ZNF385B: variants seen among roughly 807,000 people sequenced by gnomAD.
ZNF385B encodes zinc finger protein 533.
ZNF385B carries 23 observed loss-of-function variants against 39.2 expected under a neutral mutation model. The ratio of observed to expected loss-of-function variants is 0.59; its 90% CI spans 0.42 to 0.83. The LOEUF (loss-of-function observed/expected upper bound fraction) is 0.83. ZNF385B is among the 40% of genes least tolerant of loss of function. ZNF385B has a pLI of 0.00. For missense variants in ZNF385B, 552 were observed against 598.9 expected, an observed-to-expected ratio of 0.92 and a Z score of 0.82; for synonymous variants, 205 against 222.6, an observed-to-expected ratio of 0.92 and a Z score of 0.70.
intron 3 of ZNF385B, among the ~76,000 whole-genome samples, chr2:179,755,994 T>G (rs1278553569): frequency 6.6e-6 from 1 of 152,234 alleles, no homozygotes; most frequent in Non-Finnish European, 1.5e-5. Context: ...GCTGGTTATT[T>G]TGCTCATTAG....
chr2:179,771,327 T>G (rs1179139502), intron 1 of ZNF385B, among the ~76,000 whole-genome samples: 1 of 152,164 alleles, frequency 6.6e-6, no homozygotes, highest in East Asian at 1.9e-4. Context: ...AACCAGATAT[T>G]GATTCTAATG....
chr2:179,564,354 T>C (rs1377086892), intron 3 of ZNF385B, among the ~76,000 whole-genome samples: 3 of 152,070 alleles, frequency 2.0e-5, no homozygotes, highest in Non-Finnish European at 4.4e-5. Flanking sequence ...AATGGTTATC[T>C]AAAAAATGAG....
chr2:179,628,356 T>A (rs1690866960), intron 3 of ZNF385B, among the ~76,000 whole-genome samples: 1 of 152,188 alleles, frequency 6.6e-6, no homozygotes, highest in African/African-American at 2.4e-5. Flanking sequence ...GTCCTCCCCC[T>A]TTTTTATCTT....
chr2:179,567,266 C>T (rs1228469613), intron 3 of ZNF385B, among the ~76,000 whole-genome samples: 1 of 152,074 alleles, frequency 6.6e-6, no homozygotes, highest in African/African-American at 2.4e-5. Flanking sequence ...ATCTGAATTG[C>T]AATTTTGGAT....
chr2:179,821,095 A>G (rs184012870), intron 1 of ZNF385B, among the ~76,000 whole-genome samples: 2 of 152,302 alleles, frequency 1.3e-5, no homozygotes, highest in East Asian at 3.9e-4. Context: ...TACATATTAA[A>G]GAAAAATTGC....
At chr2:179,687,129 G>T (rs1452728780) in intron 3 of ZNF385B, among the ~76,000 whole-genome samples, 1 of 151,398 alleles carries the variant, frequency 6.6e-6, no homozygotes, top group African/African-American at 2.4e-5. Flanking sequence ...GTGACTAAGA[G>T]CTGTCAAGAA....
chr2:179,457,898 A>C (rs190358337), intron 6 of ZNF385B, among the ~76,000 whole-genome samples: 1 of 152,326 alleles, frequency 6.6e-6, no homozygotes, highest in East Asian at 1.9e-4. Context: ...CCAAGGCTTA[A>C]ATAGAGTAAG....
chr2:179,708,507 T>G (rs566720776), intron 3 of ZNF385B, among the ~76,000 whole-genome samples: 2 of 152,144 alleles, frequency 1.3e-5, no homozygotes, highest in Non-Finnish European at 2.9e-5. Flanking sequence ...ATAATAGCAA[T>G]AGATGGTTAG....
At chr2:179,858,480 T>C (rs2105458120) in intron 1 of ZNF385B, among the ~76,000 whole-genome samples, 1 of 151,168 alleles carries the variant, frequency 6.6e-6, no homozygotes, top group South Asian at 2.1e-4. Flanking sequence ...AACAACTGAA[T>C]AAAAAGTAAC....
At chr2:179,505,346 T>C (rs1048568939) in intron 5 of ZNF385B, among the ~76,000 whole-genome samples, 4 of 152,016 alleles carry the variant, frequency 2.6e-5, no homozygotes, top group Non-Finnish European at 5.9e-5. Context: ...AGTTTAGCAG[T>C]GTATATAGGA....
chr2:179,829,541 T>C (rs1241463298), intron 1 of ZNF385B, among the ~76,000 whole-genome samples: 1 of 151,758 alleles, frequency 6.6e-6, no homozygotes, highest in East Asian at 1.9e-4. Context: ...TGAGACAGGG[T>C]CTTGCTCTGT....
chr2:179,836,900 T>C (rs1207215350), intron 1 of ZNF385B, among the ~76,000 whole-genome samples: 3 of 152,248 alleles, frequency 2.0e-5, no homozygotes, highest in East Asian at 1.9e-4. Flanking sequence ...AATAAATAAA[T>C]GAGGGAATCC....
intron 3 of ZNF385B, among the ~76,000 whole-genome samples, chr2:179,761,268 T>C (rs984274345): frequency 3.3e-5 from 5 of 152,200 alleles, no homozygotes; most frequent in African/African-American, 1.2e-4. Context: ...ATCTTGTCTA[T>C]GTCTACAAAA....
chr2:179,835,308 C>T (rs755629766), intron 1 of ZNF385B, among the ~76,000 whole-genome samples: 8 of 152,124 alleles, frequency 5.3e-5, no homozygotes, highest in Non-Finnish European at 1.0e-4. Context: ...GAAGGGTTTA[C>T]GCAACTTTTC....
intron 3 of ZNF385B, among the ~76,000 whole-genome samples, chr2:179,713,982 A>C (rs1255470586): frequency 2.0e-5 from 3 of 152,212 alleles, no homozygotes; most frequent in Admixed American, 1.3e-4. Context: ...CTTGATAAAT[A>C]CTTATCATGT....
At chr2:179,723,659 C>G (rs183204318) in intron 3 of ZNF385B, among the ~76,000 whole-genome samples, 2 of 152,206 alleles carry the variant, frequency 1.3e-5, no homozygotes, top group Non-Finnish European at 2.9e-5. Context: ...ATAATTAACA[C>G]ACAATTCCAG....
chr2:179,718,339 GAT>G (rs1004324057), intron 3 of ZNF385B, among the ~76,000 whole-genome samples: 1 of 147,822 alleles, frequency 6.8e-6, no homozygotes, highest in African/African-American at 2.5e-5. Context: ...TTATCATAAA[GAT>G]ATATATATAA....
At chr2:179,826,782 A>G (rs1029341872) in intron 1 of ZNF385B, among the ~76,000 whole-genome samples, 3 of 152,138 alleles carry the variant, frequency 2.0e-5, no homozygotes, top group African/African-American at 7.2e-5. Context: ...ATAAATACCA[A>G]CTGCTTTTGC....
intron 6 of ZNF385B, among the ~76,000 whole-genome samples, chr2:179,477,436 T>C (rs2053548437): frequency 6.6e-6 from 1 of 152,230 alleles, no homozygotes; most frequent in African/African-American, 2.4e-5. Context: ...AGGTGTCTTA[T>C]CTTCTTTCTC....
Sources: allele counts gnomAD v4.1 joint callset (sites outside exome capture counted in the v4.1 genomes callset), GRCh38; gene constraint gnomAD v4.1.1; transcripts MANE v1.5; gene names NCBI Gene and HGNC (gene_info 2026-07-23, HGNC 2026-07-21).